The following MINDY4 variants were observed in gnomAD, a reference collection of about 807,000 sequenced individuals.
The protein encoded by MINDY4 is MINDY lysine 48 deubiquitinase 4.
MINDY4 carries 68 observed loss-of-function variants against 87.0 expected under a neutral mutation model. The observed-to-expected ratio is 0.78, with a 90% CI of 0.64 to 0.96. MINDY4 has a LOEUF of 0.96. Ranked by LOEUF, MINDY4 falls within the 40% of genes least tolerant of loss-of-function variation. MINDY4 has a pLI of 0.00. For synonymous variants in MINDY4, 379 were observed against 363.2 expected (o/e 1.04, Z -0.50); for missense variants, 919 against 928.2 (o/e 0.99, Z 0.13).
chr7:30,878,343 A>T (rs957633303), intron 15 of MINDY4, among the ~76,000 whole-genome samples: 8 of 152,170 alleles, frequency 5.3e-5, no homozygotes, highest in African/African-American at 1.9e-4. Context: ...TGAGCTACCC[A>T]GATGACCCAT....
At chr7:30,841,410 C>T (rs1285385307) in intron 9 of MINDY4, among the ~76,000 whole-genome samples, 1 of 152,258 alleles carries the variant, frequency 6.6e-6, no homozygotes, top group Non-Finnish European at 1.5e-5. Flanking sequence ...TAGATGAGTT[C>T]TGTCCTCTCC....
chr7:30,793,797 T>C (rs1787395008), intron 5 of MINDY4, among the ~76,000 whole-genome samples: 1 of 152,188 alleles, frequency 6.6e-6, no homozygotes, highest in South Asian at 2.1e-4. Context: ...TTATGGAATT[T>C]ATCAGTCATA....
chr7:30,789,038 T>A (rs991239723), intron 4 of MINDY4, among the ~76,000 whole-genome samples: 3 of 152,232 alleles, frequency 2.0e-5, no homozygotes, highest in African/African-American at 7.2e-5. Context: ...TTTTTCCCAC[T>A]GTTGCTTTGT....
intron 5 of MINDY4, among the ~76,000 whole-genome samples, chr7:30,824,596 A>G (rs1177809902): frequency 2.6e-5 from 4 of 152,078 alleles, no homozygotes; most frequent in African/African-American, 9.6e-5. Context: ...TTTTTTTGCT[A>G]TTTATTTTTA....
chr7:30,869,509 C>A (rs1790039211), intron 13 of MINDY4, among the ~76,000 whole-genome samples: 1 of 152,086 alleles, frequency 6.6e-6, no homozygotes, highest in Non-Finnish European at 1.5e-5. Flanking sequence ...ATCAAGGTGC[C>A]AGAGGGTTGG....
chr7:30,796,121 CTTT>C (rs34145186), intron 5 of MINDY4, among the ~76,000 whole-genome samples: 2 of 149,846 alleles, frequency 1.3e-5, no homozygotes, highest in African/African-American at 4.9e-5. Flanking sequence ...GAGCACTGTA[CTTT>C]TTTTTTTTTT....
chr7:30,797,854 A>G (rs1787537519), intron 5 of MINDY4, among the ~76,000 whole-genome samples: 1 of 152,152 alleles, frequency 6.6e-6, no homozygotes, highest in African/African-American at 2.4e-5. Context: ...TGCATCAGGG[A>G]AATGGCAGTG....
intron 5 of MINDY4, chr7:30,802,920 T>A (rs1279353378): frequency 2.0e-5 from 3 of 150,762 alleles, no homozygotes; most frequent in African/African-American, 7.3e-5. Context: ...ACCCATCCAA[T>A]CATCTCACCC....
At chr7:30,860,289 G>C (rs951046360) in intron 13 of MINDY4, among the ~76,000 whole-genome samples, 1 of 152,162 alleles carries the variant, frequency 6.6e-6, no homozygotes, top group Non-Finnish European at 1.5e-5. Flanking sequence ...GTTTCCAGGG[G>C]CCTCTGCTGT....
At chr7:30,827,151 A>G (rs1242297041) in intron 5 of MINDY4, among the ~76,000 whole-genome samples, 1 of 152,138 alleles carries the variant, frequency 6.6e-6, no homozygotes, top group African/African-American at 2.4e-5. Context: ...ATGTTATTGG[A>G]TGCAGGATGT....
At chr7:30,885,006 T>G (rs1772670475) in intron 17 of MINDY4, among the ~76,000 whole-genome samples, 1 of 152,248 alleles carries the variant, frequency 6.6e-6, no homozygotes, top group South Asian at 2.1e-4. Flanking sequence ...GCTGCATGAT[T>G]TGGGCCAGGG....
chr7:30,886,177 T>TCCATCTTGC (rs754310287), intron 17 of MINDY4, among the ~76,000 whole-genome samples: 78 of 152,304 alleles, frequency 5.1e-4, no homozygotes, highest in Non-Finnish European at 8.5e-4. Flanking sequence ...CAGCATCTTG[T>TCCATCTTGC]CCATCTTGCT....
At chr7:30,799,368 C>T (rs370549146) in intron 5 of MINDY4, among the ~76,000 whole-genome samples, 1 of 152,124 alleles carries the variant, frequency 6.6e-6, no homozygotes, top group African/African-American at 2.4e-5. Context: ...CTCTGAGCAC[C>T]TGTGGGTATA....
chr7:30,790,963 G>A (rs1446389501), intron 4 of MINDY4, among the ~76,000 whole-genome samples: 4 of 152,168 alleles, frequency 2.6e-5, no homozygotes, highest in Non-Finnish European at 5.9e-5. Context: ...CAGCAGGCGG[G>A]GTGTGCATCA....
intron 6 of MINDY4, among the ~76,000 whole-genome samples, chr7:30,829,513 C>G (rs770660692): frequency 3.0e-4 from 45 of 152,218 alleles, no homozygotes; most frequent in Non-Finnish European, 5.0e-4. Flanking sequence ...TTTGAACTCT[C>G]CCTTTTAAAC....
chr7:30,839,144 A>T, intron 7 of MINDY4, 56 bp from the exon 8 acceptor site: 1 of 1,183,074 alleles, frequency 8.5e-7, no homozygotes, highest in Non-Finnish European at 1.2e-6. Context: ...CACACTGAAC[A>T]TCGTATTGTT....
chr7:30,886,568 T>G (rs983839041), intron 17 of MINDY4, among the ~76,000 whole-genome samples: 2 of 152,226 alleles, frequency 1.3e-5, no homozygotes, highest in African/African-American at 4.8e-5. Context: ...AGCCACACTT[T>G]GAGTCACAAG....
intron 16 of MINDY4, among the ~76,000 whole-genome samples, 196 bp from the exon 17 acceptor site, chr7:30,882,725 G>C (rs186515558): frequency 0.057 from 8,664 of 152,200 alleles, 800 homozygotes; most frequent in African/African-American, 0.2. Flanking sequence ...TATTGTGGTA[G>C]CTAAAGTGGG....
intron 12 of MINDY4, 114 bp downstream of exon 12, chr7:30,853,573 G>GAC: frequency 3.2e-6 from 3 of 942,622 alleles, no homozygotes; most frequent in Non-Finnish European, 5.0e-6. Context: ...CTGGGATGGC[G>GAC]AGGAAGCTGG....
Sources: gnomAD v4.1 joint callset for allele counts (sites outside exome capture counted in the v4.1 genomes callset) on GRCh38, gnomAD v4.1.1 for gene constraint, MANE v1.5 for transcripts, NCBI Gene and HGNC (gene_info 2026-07-23, HGNC 2026-07-21) for gene names.